The following EYS variants were observed in gnomAD, a reference collection of about 807,000 sequenced individuals.
EYS encodes the protein protein eyes shut homolog.
In EYS, 250 loss-of-function variants were observed where a neutral mutation model predicts 282.1. The ratio of observed to expected loss-of-function variants is 0.89; its 90% CI spans 0.80 to 0.98. The LOEUF (loss-of-function observed/expected upper bound fraction) is 0.98, where lower values mean the gene tolerates loss of function less well. EYS is among the 50% of genes least tolerant of loss of function. EYS has a pLI of 0.00. For synonymous variants in EYS, 1,355 were observed against 1,282.9 expected, an observed-to-expected ratio of 1.06 and a Z score of -1.20; for missense variants, 4,016 against 3,709.0, an observed-to-expected ratio of 1.08 and a Z score of -2.15.
At chr6:64,244,118 T>C (rs978893255) in intron 30 of EYS, among the ~76,000 whole-genome samples, 3 of 152,168 alleles carry the variant, frequency 2.0e-5, no homozygotes, top group Non-Finnish European at 2.9e-5. Flanking sequence ...CTAAAATTAA[T>C]TGTAATCTTC....
chr6:64,105,563 C>T (rs1395005197), intron 31 of EYS, among the ~76,000 whole-genome samples: 2 of 152,074 alleles, frequency 1.3e-5, no homozygotes, highest in Non-Finnish European at 2.9e-5. Context: ...AATTTCACTA[C>T]CTTAAAAGTC....
At chr6:63,845,951 C>T (rs993710205) in intron 36 of EYS, among the ~76,000 whole-genome samples, 7 of 152,074 alleles carry the variant, frequency 4.6e-5, no homozygotes, top group African/African-American at 7.2e-5. Flanking sequence ...TAAACTAAAA[C>T]GCAGAAGCTC....
chr6:64,767,366 T>G (rs1773384935), intron 22 of EYS, among the ~76,000 whole-genome samples: 1 of 152,252 alleles, frequency 6.6e-6, no homozygotes, highest in South Asian at 2.1e-4. Context: ...ATGCTAAAAC[T>G]TATTCCTCTT....
In EYS at chr6:64,885,539, TTG is replaced by T. The variant is rs1393379435; in HGVS notation, c.2992+1156_2992+1157del. On this transcript the variant is annotated intron_variant, in intron 19 of 42. Transcript: ENST00000503581. ...CTGAGTGGATATATATGGTTCTACA[TTG>T]ATAGCTCAATAATTTTGAAGATAAT... 2.6e-5 allele frequency among the ~76,000 whole-genome samples: 4 copies of T among 151,936 alleles called. No homozygotes were observed. The East Asian group carries it at 7.7e-4, about 29-fold the overall frequency.
chr6:63,940,200 G>T (rs1765190951), intron 35 of EYS, among the ~76,000 whole-genome samples: 1 of 152,054 alleles, frequency 6.6e-6, no homozygotes, highest in African/African-American at 2.4e-5. Flanking sequence ...AAGAAGCAGA[G>T]AAAAGTCATG....
chr6:63,860,035 A>G (rs1772495304), intron 36 of EYS, among the ~76,000 whole-genome samples: 1 of 152,202 alleles, frequency 6.6e-6, no homozygotes, highest in Non-Finnish European at 1.5e-5. Flanking sequence ...TGCCTCTTCT[A>G]CAGTGTAGTT....
chr6:65,613,254 G>A (rs1766064740), intron 2 of EYS, among the ~76,000 whole-genome samples: 4 of 151,930 alleles, frequency 2.6e-5, no homozygotes. Context: ...TAGATGTTCA[G>A]AATATTGGTA....
intron 22 of EYS, among the ~76,000 whole-genome samples, chr6:64,802,416 T>G (rs1000442403): frequency 2.0e-5 from 3 of 152,162 alleles, no homozygotes; most frequent in African/African-American, 4.8e-5. Flanking sequence ...CGTGTAATTC[T>G]TTATGTTCCA....
intron 22 of EYS, among the ~76,000 whole-genome samples, chr6:64,749,316 C>T (rs930251632): frequency 2.0e-5 from 3 of 152,088 alleles, no homozygotes; most frequent in African/African-American, 7.2e-5. Context: ...TCTATAAAAT[C>T]TGATTTATTT....
chr6:65,138,865 G>C (rs1204932274), intron 12 of EYS, among the ~76,000 whole-genome samples: 1 of 152,040 alleles, frequency 6.6e-6, no homozygotes, highest in East Asian at 1.9e-4. Context: ...TTAGAGAAGT[G>C]CAAATCAAAA....
chr6:64,864,746 T>C, intron 19 of EYS, among the ~76,000 whole-genome samples: 1 of 151,484 alleles, frequency 6.6e-6, no homozygotes, highest in East Asian at 2.0e-4. Flanking sequence ...TTAGAAAGGT[T>C]AATAATGGGG....
intron 31 of EYS, among the ~76,000 whole-genome samples, chr6:64,133,193 C>G (rs1774041076): frequency 1.3e-5 from 2 of 151,740 alleles, no homozygotes; most frequent in African/African-American, 2.4e-5. Context: ...ATTAACTTAT[C>G]CTTACTCTTG....
At chr6:65,312,485 A>C (rs1231625624) in intron 11 of EYS, among the ~76,000 whole-genome samples, 2 of 152,156 alleles carry the variant, frequency 1.3e-5, no homozygotes, top group African/African-American at 4.8e-5. Context: ...TAAATACAAA[A>C]AAAAGAGACC....
At chr6:65,673,094 T>A (rs1474546309) in intron 1 of EYS, among the ~76,000 whole-genome samples, 1 of 152,162 alleles carries the variant, frequency 6.6e-6, no homozygotes, top group Non-Finnish European at 1.5e-5. Context: ...GCTGTCTGGA[T>A]GTATACGTGC....
In EYS at chr6:65,003,327, G is replaced by C. The variant is rs372576697; in HGVS notation, c.2138-5624C>G. Among the ~76,000 whole-genome samples the C allele has an allele frequency of 1.3e-4, 19 of 147,190 alleles. 2 individuals are homozygous for C. Among genetic ancestry groups the C allele is most frequent in the East Asian group, 1.3e-3 (6 of 4,668 alleles). ...ACCCCAGTCTCCCACAGCACTCCCAGGCTTATTAGAAAGAGGAAATTCCTG... is the reference window on the plus strand; with the variant it reads ...ACCCCAGTCTCCCACAGCACTCCCACGCTTATTAGAAAGAGGAAATTCCTG... On this transcript the variant is annotated intron_variant, in intron 13 of 42. Transcript: ENST00000503581.
At chr6:64,626,571 C>A (rs140235530) in intron 22 of EYS, among the ~76,000 whole-genome samples, 223 of 152,150 alleles carry the variant, frequency 1.5e-3, no homozygotes, top group African/African-American at 5.1e-3. Context: ...AAGACAGAGA[C>A]CCACAGGGGA....
At chr6:65,118,884 A>T (rs1775452317) in intron 12 of EYS, among the ~76,000 whole-genome samples, 1 of 152,028 alleles carries the variant, frequency 6.6e-6, no homozygotes, top group Admixed American at 6.6e-5. Flanking sequence ...TAAGGAAAAA[A>T]AAAAAAAGAA....
At chr6:64,184,587 A>T (rs1013774295) in intron 31 of EYS, among the ~76,000 whole-genome samples, 1 of 151,636 alleles carries the variant, frequency 6.6e-6, no homozygotes, top group Non-Finnish European at 1.5e-5. Flanking sequence ...AACTACTGGC[A>T]TCTTACACTT....
In EYS at chr6:64,334,774, G is replaced by A. The variant is rs147202819; in HGVS notation, c.6079-27692C>T. 8.6e-3 allele frequency among the ~76,000 whole-genome samples: 1,316 copies of A among 152,250 alleles called. 27 individuals are homozygous for A. Among genetic ancestry groups the A allele is most frequent in the African/African-American group, 0.029 (1,206 of 41,560 alleles). On this transcript the variant is annotated intron_variant, in intron 29 of 42. Transcript: ENST00000503581. ...AATGAATTGCTGCTTACAAATTGAT[G>A]ACAATGGAAAAGCTGTCATGGAAAT...
Sources: allele counts gnomAD v4.1 joint callset (sites outside exome capture counted in the v4.1 genomes callset), GRCh38; gene constraint gnomAD v4.1.1; transcripts MANE v1.5; gene names NCBI Gene and HGNC (gene_info 2026-07-23, HGNC 2026-07-21).